The following C12orf75 variants were observed in gnomAD, a reference collection of about 807,000 sequenced individuals.
C12orf75 encodes the protein overexpressed in colon carcinoma 1 protein.
A neutral mutation model predicts 11.4 loss-of-function variants in C12orf75; 4 were observed. That is an observed-to-expected ratio of 0.35 (90% CI 0.17 to 0.80). The LOEUF (loss-of-function observed/expected upper bound fraction) is 0.80, where lower values mean the gene tolerates loss of function less well. Among genes scored for constraint, C12orf75 ranks in the 30% least tolerant of loss-of-function variants. The probability of loss-of-function intolerance (pLI) is 0.52; values close to 1 mark genes in which losing one functional copy is unlikely to be tolerated. For missense variants in C12orf75, 89 were observed against 80.4 expected, an observed-to-expected ratio of 1.11 and a Z score of -0.41; for synonymous variants, 30 against 30.0, an observed-to-expected ratio of 1.00 and a Z score of 0.00.
At chr12:105,337,730 C>T (rs1416193799) in intron 1 of C12orf75, among the ~76,000 whole-genome samples, 1 of 152,192 alleles carries the variant, frequency 6.6e-6, no homozygotes, top group Admixed American at 6.5e-5. Flanking sequence ...TTACGTGACT[C>T]TAGTGCAGTA....
chr12:105,365,238 A>C (rs1353180831), intron 2 of C12orf75, among the ~76,000 whole-genome samples: 1 of 152,138 alleles, frequency 6.6e-6, no homozygotes, highest in African/African-American at 2.4e-5. Flanking sequence ...GCAGTAGATC[A>C]TGTATGAAAT....
At chr12:105,336,406 G>A (rs1477289061) in intron 1 of C12orf75, among the ~76,000 whole-genome samples, 2 of 152,236 alleles carry the variant, frequency 1.3e-5, no homozygotes, top group African/African-American at 2.4e-5. Context: ...AAATGGGGGT[G>A]TAATAAGAGA....
At chr12:105,337,413 T>C (rs1461340244) in intron 1 of C12orf75, among the ~76,000 whole-genome samples, 1 of 152,110 alleles carries the variant, frequency 6.6e-6, no homozygotes, top group African/African-American at 2.4e-5. Context: ...CAGAGAGAAA[T>C]TTCTCAAACC....
chr12:105,346,804 C>G (rs1281777683), intron 1 of C12orf75, among the ~76,000 whole-genome samples: 2 of 152,202 alleles, frequency 1.3e-5, no homozygotes, highest in East Asian at 3.8e-4. Flanking sequence ...TACCCACAGA[C>G]TTATTTACTT....
At chr12:105,370,459 A>G (rs1417971356) in intron 5 of C12orf75, among the ~76,000 whole-genome samples, 175 bp from the exon 6 acceptor site, 2 of 152,206 alleles carry the variant, frequency 1.3e-5, no homozygotes, top group Admixed American at 1.3e-4. Context: ...TATAATTATC[A>G]TCAATGCTTG....
chr12:105,331,648 C>T (rs908249823), intron 1 of C12orf75, among the ~76,000 whole-genome samples: 1 of 151,732 alleles, frequency 6.6e-6, no homozygotes, highest in Admixed American at 6.6e-5. Context: ...TTTTATACCA[C>T]TTCATGTTGA....
intron 1 of C12orf75, among the ~76,000 whole-genome samples, 184 bp from the exon 2 acceptor site, chr12:105,348,418 C>A (rs76375431): frequency 0.027 from 3,039 of 114,638 alleles, no homozygotes; most frequent in Non-Finnish European, 0.034. Context: ...GTATCTGAAA[C>A]AAAAAAAAAA....
At chr12:105,357,807 T>TGTGTGA (rs1491090986) in intron 2 of C12orf75, among the ~76,000 whole-genome samples, 13 of 122,966 alleles carry the variant, frequency 1.1e-4, no homozygotes, top group African/African-American at 4.2e-4. Context: ...TGTGTGTGTG[T>TGTGTGA]GAGAGAGAGA....
chr12:105,354,520 A>G (rs1008541778), intron 2 of C12orf75, among the ~76,000 whole-genome samples: 5 of 152,214 alleles, frequency 3.3e-5, no homozygotes, highest in Non-Finnish European at 7.3e-5. Flanking sequence ...AATACAGTAT[A>G]TTTAATATCC....
At chr12:105,369,135 G>A (rs1036054747) in intron 5 of C12orf75, among the ~76,000 whole-genome samples, 2 of 152,224 alleles carry the variant, frequency 1.3e-5, no homozygotes, top group Admixed American at 1.3e-4. Context: ...GGGCAGCTCT[G>A]CTACCAACAC....
intron 1 of C12orf75, among the ~76,000 whole-genome samples, chr12:105,331,158 C>A (rs986598132): frequency 1.1e-4 from 16 of 151,924 alleles, no homozygotes; most frequent in Non-Finnish European, 2.1e-4. Context: ...GCGTCTCTGC[C>A]GAGGGAGCGC....
At chr12:105,356,245 T>C (rs1179327616) in intron 2 of C12orf75, among the ~76,000 whole-genome samples, 1 of 152,096 alleles carries the variant, frequency 6.6e-6, no homozygotes, top group Admixed American at 6.5e-5. Context: ...ATCTGGAGAA[T>C]TGTAGTGTAG....
intron 1 of C12orf75, among the ~76,000 whole-genome samples, chr12:105,332,700 C>T (rs1418765294): frequency 6.8e-6 from 1 of 147,746 alleles, no homozygotes; most frequent in East Asian, 2.0e-4. Context: ...CATTGCACTC[C>T]AACCTGGGCA....
chr12:105,344,694 C>G (rs1309712473), intron 1 of C12orf75, among the ~76,000 whole-genome samples: 1 of 148,368 alleles, frequency 6.7e-6, no homozygotes, highest in African/African-American at 2.5e-5. Flanking sequence ...TGTGGTGAGC[C>G]AAGATTGTGC....
chr12:105,340,334 A>G (rs1423358788), intron 1 of C12orf75, among the ~76,000 whole-genome samples: 1 of 151,350 alleles, frequency 6.6e-6, no homozygotes, highest in African/African-American at 2.4e-5. Flanking sequence ...CTGAGGCAGG[A>G]GAATCGCTTC....
intron 2 of C12orf75, among the ~76,000 whole-genome samples, chr12:105,362,182 C>T (rs931863371): frequency 2.0e-5 from 3 of 151,448 alleles, no homozygotes; most frequent in East Asian, 1.9e-4. Flanking sequence ...GTCAGGAGAT[C>T]GAGACCATCC....
chr12:105,335,714 A>T (rs1385404529), intron 1 of C12orf75, among the ~76,000 whole-genome samples: 2 of 151,272 alleles, frequency 1.3e-5, no homozygotes, highest in Non-Finnish European at 2.9e-5. Flanking sequence ...TTTTTGCTGG[A>T]GAGCTGATAC....
chr12:105,347,906 C>A (rs1048385397), intron 1 of C12orf75, among the ~76,000 whole-genome samples: 1 of 152,076 alleles, frequency 6.6e-6, no homozygotes, highest in Non-Finnish European at 1.5e-5. Flanking sequence ...CTTAACCTGC[C>A]GTGCAGACAC....
At chr12:105,355,172 T>C (rs1566140082) in intron 2 of C12orf75, among the ~76,000 whole-genome samples, 1 of 49,056 alleles carries the variant, frequency 2.0e-5, no homozygotes, top group East Asian at 4.0e-4. Context: ...CTTTTTCTTT[T>C]TCTTTTTCTT....
Sources: allele counts gnomAD v4.1 joint callset (sites outside exome capture counted in the v4.1 genomes callset), GRCh38; gene constraint gnomAD v4.1.1; transcripts MANE v1.5; gene names NCBI Gene and HGNC (gene_info 2026-07-23, HGNC 2026-07-21).